The following NEURL1B variants were observed in gnomAD, a reference collection of about 807,000 sequenced individuals.
The protein encoded by NEURL1B is E3 ubiquitin-protein ligase NEURL1B.
In NEURL1B, 13 loss-of-function variants were observed where a neutral mutation model predicts 37.4. The observed-to-expected ratio is 0.35, with a 90% CI of 0.23 to 0.55. The LOEUF is 0.55. Ranked by LOEUF, NEURL1B falls within the 20% of genes least tolerant of loss-of-function variation. The pLI is 0.89. For synonymous variants in NEURL1B, 432 were observed against 426.6 expected (o/e 1.01, Z -0.16); for missense variants, 790 against 879.2 (o/e 0.90, Z 1.28).
rs1248111744 is a variant in NEURL1B, at chr5:172,647,351, C to G, written c.31+5914C>G. Among the ~76,000 whole-genome samples, 1 of 152,172 alleles carries G rather than the reference C, an allele frequency of 6.6e-6. No homozygotes were observed. The highest frequency in any genetic ancestry group is 6.5e-5 in the Admixed American group (1 of 15,284). ...CTGCACACCTGCCCTGCACTAGGCC[C>G]TTTATTCCATCCCATTGAAGCCGTC... is the stretch of plus-strand genomic sequence containing the variant. On this transcript the variant is annotated intron_variant, in intron 1 of 4. Coordinates refer to ENST00000369800, the MANE Select transcript of NEURL1B (RefSeq NM_001142651.3). This position sits in a 1 kb window ranked among gnomAD's most constrained non-coding sequence, Gnocchi z 4.2.
At chr5:172,644,968 G>A (rs1254806022) in intron 1 of NEURL1B, among the ~76,000 whole-genome samples, 1 of 152,140 alleles carries the variant, frequency 6.6e-6, no homozygotes, top group Non-Finnish European at 1.5e-5. Flanking sequence ...CTGCAGCTCT[G>A]GTTGGAGAAT....
rs146225174 is a variant in NEURL1B at position 172,648,026 on chromosome 5, C to G, written c.31+6589C>G. On this transcript the variant is annotated intron_variant, in intron 1 of 4. Coordinates refer to ENST00000369800, the MANE Select transcript of NEURL1B (RefSeq NM_001142651.3). ...GCAAGGGCCCAGGTGAGGGTGAGAG[C>G]CCTTTGTCATCCAGGGCCCGCGTCT... Among the ~76,000 whole-genome samples, 250 of 152,298 alleles carry G rather than the reference C, an allele frequency of 1.6e-3. 1 individual carries two copies. Among genetic ancestry groups the G allele is most frequent in the African/African-American group, 5.7e-3 (238 of 41,552 alleles).
In NEURL1B at chr5:172,657,694, G is replaced by A. The variant is rs542951396; in HGVS notation, c.32-12091G>A. 3.3e-5 allele frequency among the ~76,000 whole-genome samples: 5 copies of A among 152,212 alleles called. No homozygotes were observed. Among genetic ancestry groups the A allele is most frequent in the Admixed American group, 2.0e-4 (3 of 15,296 alleles). ...AGGCACCTGTTACTTAGCCGACCACGAAAGGGAGTCTCCTTTCCTTGGAGG... is the reference window on the plus strand; with the variant it reads ...AGGCACCTGTTACTTAGCCGACCACAAAAGGGAGTCTCCTTTCCTTGGAGG... On this transcript the variant is annotated intron_variant, in intron 1 of 4. Coordinates refer to ENST00000369800, the MANE Select transcript of NEURL1B (RefSeq NM_001142651.3). This position sits in a 1 kb window ranked among gnomAD's most constrained non-coding sequence, Gnocchi z 4.0.
chr5:172,660,727 G>A (rs781586230), intron 1 of NEURL1B, among the ~76,000 whole-genome samples: 2 of 152,086 alleles, frequency 1.3e-5, no homozygotes, highest in African/African-American at 2.4e-5. Flanking sequence ...TGCAACCTCC[G>A]CCTCCTGGGT....
intron 1 of NEURL1B, among the ~76,000 whole-genome samples, chr5:172,659,132 T>C (rs1757850078): frequency 6.6e-6 from 1 of 150,792 alleles, no homozygotes; most frequent in African/African-American, 2.4e-5. Context: ...GTAGTCTAGC[T>C]TTTTTCTTGT....
intron 1 of NEURL1B, among the ~76,000 whole-genome samples, chr5:172,648,693 G>A (rs1757604537): frequency 6.6e-6 from 1 of 152,252 alleles, no homozygotes; most frequent in South Asian, 2.1e-4. Context: ...ATTGTATTTG[G>A]CAGAACTCTG....
At position 172,664,912 on chromosome 5, in the gene NEURL1B, C is replaced by T. The variant is rs540827310; in HGVS notation, c.32-4873C>T. On this transcript the variant is annotated intron_variant, in intron 1 of 4. Transcript: ENST00000369800. ...CAAGATTAAACAAATATGTAAACTTCGCTGGTTACTTGGCCGCATTTTATC... is the reference window on the plus strand; with the variant it reads ...CAAGATTAAACAAATATGTAAACTTTGCTGGTTACTTGGCCGCATTTTATC... Among the ~76,000 whole-genome samples, 5 of 152,272 alleles carry T rather than the reference C, an allele frequency of 3.3e-5. No individual in the cohort carries two copies. The East Asian group carries it at 7.7e-4, about 23-fold the overall frequency.
In NEURL1B at chr5:172,683,846, C is replaced by G. The variant is rs1455696429; in HGVS notation, c.1005C>G (p.Pro335=). The G allele has an allele frequency of 2.0e-5, 26 of 1,332,268 alleles. No homozygotes were observed. The East Asian group carries it at 4.1e-4, about 21-fold the overall frequency. 82.5% of individuals were successfully genotyped at this position (1,332,268 alleles called of 1,614,324 possible). ...VEVGRPGLAA[P]GALAFGITSC... ...TGGGCCGTCCGGGGCTGGCGGCGCCCGGCGCGCTGGCCTTCGGCATCACGT... is the reference window on the plus strand; with the variant it reads ...TGGGCCGTCCGGGGCTGGCGGCGCCGGGCGCGCTGGCCTTCGGCATCACGT... Residue 335 remains proline (P), a synonymous_variant, in exon 3 of 5, where the codon CCC becomes CCG. Transcript: ENST00000369800. This position sits in a 1 kb window ranked among gnomAD's most constrained non-coding sequence, Gnocchi z 5.6.
At chr5:172,660,230 CA>C (rs1349653271) in intron 1 of NEURL1B, among the ~76,000 whole-genome samples, 1 of 152,330 alleles carries the variant, frequency 6.6e-6, no homozygotes, top group East Asian at 1.9e-4. Flanking sequence ...AGACCACAGT[CA>C]GGGGGCCCGG....
chr5:172,645,279 C>T (rs1429973379), intron 1 of NEURL1B, among the ~76,000 whole-genome samples: 11 of 152,292 alleles, frequency 7.2e-5, no homozygotes, highest in Non-Finnish European at 1.2e-4. Context: ...CCCTAACCTA[C>T]GTGGACAGTC....
At position 172,657,277 on chromosome 5, in the gene NEURL1B, G is replaced by A. The variant is rs1757814945; in HGVS notation, c.32-12508G>A. Among the ~76,000 whole-genome samples the A allele has an allele frequency of 6.6e-6, 1 of 152,110 alleles. No individual in the cohort carries two copies. The highest frequency in any genetic ancestry group is 6.5e-5 in the Admixed American group (1 of 15,268). ...CCAGTGAACCAAGGACTGTCAGATCGCCAGAACTTAGGACACATGGGATGG... is the reference window on the plus strand; with the variant it reads ...CCAGTGAACCAAGGACTGTCAGATCACCAGAACTTAGGACACATGGGATGG... On this transcript the variant is annotated intron_variant, in intron 1 of 4. Transcript: ENST00000369800. The surrounding 1 kb of genome is among the most constrained non-coding windows in gnomAD (Gnocchi z 4.0).
At position 172,690,208 on chromosome 5, in the gene NEURL1B, C is replaced by T. The variant is rs1758616963; in HGVS notation, c.*3283C>T. The stretch of plus-strand genomic sequence containing the variant: ...CATTCATTCGGAGACTCCTGAAAAA[C>T]TGGGCTGTTTGCAAAGCAAATCCAG... On this transcript the variant is annotated 3_prime_UTR_variant, in exon 5 of 5. Transcript: ENST00000369800. 1 of 152,270 alleles carries T rather than the reference C, an allele frequency of 6.6e-6. No homozygotes were observed. The highest frequency in any genetic ancestry group is 1.5e-5 in the Non-Finnish European group (1 of 68,066). The allele number at this position is 152,270 out of a possible 1,614,324, so 9.4% of individuals were successfully genotyped here. A position where few individuals can be genotyped will look rare whatever the true frequency, so the allele number is the denominator to read the frequency against.
intron 1 of NEURL1B, among the ~76,000 whole-genome samples, chr5:172,652,369 A>G (rs940484582): frequency 6.6e-6 from 1 of 152,232 alleles, no homozygotes; most frequent in Non-Finnish European, 1.5e-5. Flanking sequence ...AAGCATAACA[A>G]TTGCTTTTGT....
chr5:172,650,019 G>A (rs892906132), intron 1 of NEURL1B, among the ~76,000 whole-genome samples: 1 of 152,226 alleles, frequency 6.6e-6, no homozygotes, highest in Admixed American at 6.5e-5. Context: ...GGGTGGGGTC[G>A]AGGTGTCTTG....
chr5:172,651,253 GAT>G (rs1757657456), intron 1 of NEURL1B, among the ~76,000 whole-genome samples: 1 of 152,090 alleles, frequency 6.6e-6, no homozygotes, highest in African/African-American at 2.4e-5. Flanking sequence ...AGCTTCTCTG[GAT>G]AAGGTGGAGG....
chr5:172,656,608 C>T, intron 1 of NEURL1B: 1 of 1,610,626 alleles, frequency 6.2e-7, no homozygotes, highest in Non-Finnish European at 8.5e-7. Flanking sequence ...TTCTTCTGCT[C>T]CTCTTTTTGT....
chr5:172,667,557 A>G (rs1243863156), intron 1 of NEURL1B, among the ~76,000 whole-genome samples: 2 of 152,166 alleles, frequency 1.3e-5, no homozygotes, highest in Non-Finnish European at 2.9e-5. Flanking sequence ...CCTACATAAA[A>G]ATGAATGAAA....
chr5:172,644,531 C>T (rs954290234), intron 1 of NEURL1B, among the ~76,000 whole-genome samples: 2 of 152,214 alleles, frequency 1.3e-5, no homozygotes, highest in East Asian at 1.9e-4. Context: ...CTCTTGGCAG[C>T]TCTTGCAAAG....
Position 172,683,293 on chromosome 5 carries a change from G to A in NEURL1B, c.578-126G>A. The A allele has an allele frequency of 2.8e-6, 3 of 1,090,182 alleles. No homozygotes were observed. Among genetic ancestry groups the A allele is most frequent in the African/African-American group, 1.6e-5 (1 of 61,140 alleles). 67.5% of individuals were successfully genotyped at this position (1,090,182 alleles called of 1,614,324 possible). ...AAAAGGAGAGTTCGAAGCCGGGGTG[G>A]GGTGGGGGCTGCTCGAGGCCCGGGT... On this transcript the variant is annotated intron_variant, in intron 2 of 4. Transcript: ENST00000369800. The surrounding 1 kb of genome is among the most constrained non-coding windows in gnomAD (Gnocchi z 5.6).
Sources: allele counts gnomAD v4.1 joint callset (sites outside exome capture counted in the v4.1 genomes callset), GRCh38; gene constraint gnomAD v4.1.1; non-coding constraint Gnocchi (gnomAD v3.1); transcripts MANE v1.5; gene names NCBI Gene and HGNC (gene_info 2026-07-23, HGNC 2026-07-21).